Variants in CDK14 observed in about 807,000 individuals in gnomAD.
The protein encoded by CDK14 is cyclin dependent kinase 14.
A neutral mutation model predicts 60.7 loss-of-function variants in CDK14; 34 were observed. That is an observed-to-expected ratio of 0.56 (90% confidence interval 0.43 to 0.75). The LOEUF is 0.75. CDK14 is among the 30% of genes least tolerant of loss of function. The probability of loss-of-function intolerance (pLI) is 0.00; values close to 1 mark genes in which losing one functional copy is unlikely to be tolerated. For missense variants in CDK14, 482 were observed against 564.1 expected (o/e 0.85, Z 1.47); for synonymous variants, 197 against 203.7 (o/e 0.97, Z 0.28).
chr7:90,686,641 CA>C (rs781763223), intron 2 of CDK14, among the ~76,000 whole-genome samples: 37 of 152,166 alleles, frequency 2.4e-4, no homozygotes, highest in Non-Finnish European at 4.6e-4. Flanking sequence ...TGAGTACTGG[CA>C]AATGTTGTCA....
At chr7:90,614,986 A>G (rs1004121673) in intron 2 of CDK14, among the ~76,000 whole-genome samples, 15 of 152,338 alleles carry the variant, frequency 9.8e-5, no homozygotes, top group African/African-American at 3.6e-4. Context: ...TTCTGAAATC[A>G]TCTGCAAGTA....
At chr7:91,036,873 G>A (rs1449347666) in intron 10 of CDK14, among the ~76,000 whole-genome samples, 1 of 152,154 alleles carries the variant, frequency 6.6e-6, no homozygotes, top group East Asian at 1.9e-4. Flanking sequence ...AGGGCCAGTT[G>A]TAATCTCAGA....
At chr7:90,888,264 C>T (rs6942920) in intron 6 of CDK14, among the ~76,000 whole-genome samples, 1 of 151,724 alleles carries the variant, frequency 6.6e-6, no homozygotes, top group Non-Finnish European at 1.5e-5. Flanking sequence ...GCAGGAGAAT[C>T]GCTTGAACCC....
At position 91,118,781 on chromosome 7, in the gene CDK14, G is replaced by C. The variant is rs77034716; in HGVS notation, c.*28+573G>C. On this transcript the variant is annotated intron_variant, in intron 14 of 14. Coordinates refer to ENST00000380050, the MANE Select transcript of CDK14 (RefSeq NM_001287135.2). ...GCCACTTCACCTATTTCTGATTCCT[G>C]TCTGGCTCCTGGTACGGACCTTATC... Among the ~76,000 whole-genome samples, 1,091 of 152,270 alleles carry C rather than the reference G, an allele frequency of 7.2e-3. 15 individuals are homozygous for C. Among genetic ancestry groups the C allele is most frequent in the African/African-American group, 0.024 (1,009 of 41,540 alleles).
chr7:91,097,086 A>G (rs1008907499), intron 12 of CDK14, among the ~76,000 whole-genome samples: 3 of 152,216 alleles, frequency 2.0e-5, no homozygotes, highest in Non-Finnish European at 4.4e-5. Context: ...TTTATTATAT[A>G]AAAACATATT....
chr7:90,605,571 A>G (rs928697524), intron 2 of CDK14, among the ~76,000 whole-genome samples: 16 of 152,228 alleles, frequency 1.1e-4, no homozygotes, highest in African/African-American at 3.6e-4. Flanking sequence ...GGAGCAATCA[A>G]TATGAGAATA....
chr7:90,649,259 T>A (rs1445179716), intron 2 of CDK14, among the ~76,000 whole-genome samples: 1 of 26,870 alleles, frequency 3.7e-5, no homozygotes, highest in Non-Finnish European at 6.9e-5. Flanking sequence ...TTTCTTTCTT[T>A]CTTTCTTTCT....
At chr7:90,628,398 A>C (rs1799921720) in intron 2 of CDK14, among the ~76,000 whole-genome samples, 1 of 152,206 alleles carries the variant, frequency 6.6e-6, no homozygotes, top group Non-Finnish European at 1.5e-5. Context: ...CAAGTGTTAA[A>C]GGCCATTACT....
At chr7:90,971,168 TCTC>T in intron 9 of CDK14, among the ~76,000 whole-genome samples, 1 of 149,840 alleles carries the variant, frequency 6.7e-6, no homozygotes, top group South Asian at 2.1e-4. Context: ...TTTTTTTTTG[TCTC>T]GTTTTAAAGA....
At chr7:90,641,424 G>T (rs1800328671) in intron 2 of CDK14, among the ~76,000 whole-genome samples, 2 of 152,080 alleles carry the variant, frequency 1.3e-5, no homozygotes, top group South Asian at 4.1e-4. Flanking sequence ...TCTATATAAT[G>T]AAATGTTATT....
intron 4 of CDK14, among the ~76,000 whole-genome samples, chr7:90,757,151 ATTCCTGGC>A (rs1322314884): frequency 1.1e-4 from 16 of 150,396 alleles, no homozygotes; most frequent in Non-Finnish European, 1.5e-5. Context: ...AATTTTGGGC[ATTCCTGGC>A]TTGCAGGTGC....
chr7:90,823,416 G>A (rs1214024816), intron 5 of CDK14, among the ~76,000 whole-genome samples: 1 of 152,164 alleles, frequency 6.6e-6, no homozygotes, highest in Non-Finnish European at 1.5e-5. Flanking sequence ...AAAGATTGAG[G>A]TAGAGTTAAC....
In CDK14 at chr7:91,013,198, C is replaced by T. The variant is rs554761189; in HGVS notation, c.1041+28957C>T. Among the ~76,000 whole-genome samples the T allele has an allele frequency of 6.6e-5, 10 of 152,356 alleles. No individual in the cohort carries two copies. The East Asian group carries it at 1.9e-3, about 29-fold the overall frequency. On this transcript the variant is annotated intron_variant, in intron 10 of 14. Transcript: ENST00000380050. ...AAATTTCTTTTTCCTTTGTTCTCTT[C>T]CTTTCTTCTTTGCAGCTTCCTGCCC...
At chr7:90,688,865 T>C (rs1247745905) in intron 2 of CDK14, among the ~76,000 whole-genome samples, 11 of 152,136 alleles carry the variant, frequency 7.2e-5, no homozygotes, top group Non-Finnish European at 8.8e-5. Flanking sequence ...CCAAAAGCCA[T>C]AATGAATTTT....
chr7:90,616,657 AG>A (rs1799656750), intron 2 of CDK14, among the ~76,000 whole-genome samples: 1 of 152,222 alleles, frequency 6.6e-6, no homozygotes, highest in Admixed American at 6.5e-5. Context: ...GCAACAAAAA[AG>A]GTGTTTTAGT....
chr7:91,116,834 TAA>T (rs1799623832), intron 13 of CDK14, among the ~76,000 whole-genome samples: 1 of 151,910 alleles, frequency 6.6e-6, no homozygotes, highest in African/African-American at 2.4e-5. Flanking sequence ...TTTAGAAAAC[TAA>T]AGTCTCCTGT....
At chr7:90,619,118 T>G (rs947370162) in intron 2 of CDK14, among the ~76,000 whole-genome samples, 1 of 152,200 alleles carries the variant, frequency 6.6e-6, no homozygotes, top group African/African-American at 2.4e-5. Context: ...CTTCTCAGAC[T>G]GGTGGCGGTG....
At chr7:90,640,498 T>C (rs1800299869) in intron 2 of CDK14, among the ~76,000 whole-genome samples, 1 of 152,094 alleles carries the variant, frequency 6.6e-6, no homozygotes, top group African/African-American at 2.4e-5. Context: ...TTTATTTCAT[T>C]AGGTTGAAAT....
At position 91,209,779 on chromosome 7, in the gene CDK14, A is replaced by C. The variant is rs935030429; in HGVS notation, c.*2643A>C. 6.6e-6 allele frequency: 1 copy of C among 152,560 alleles called. No individual in the cohort carries two copies. Among genetic ancestry groups the C allele is most frequent in the Non-Finnish European group, 1.5e-5 (1 of 68,040 alleles). 9.5% of individuals were successfully genotyped at this position (152,560 alleles called of 1,614,324 possible). A position where few individuals can be genotyped will look rare whatever the true frequency, so the allele number is the denominator to read the frequency against. ...ATATGAGATACATAGGATGTGAAAA[A>C]AAATGTTTGCAGTACTCAGCAAAAA... On this transcript the variant is annotated 3_prime_UTR_variant, in exon 15 of 15. Transcript: ENST00000380050.
Sources: gnomAD v4.1 joint callset for allele counts (sites outside exome capture counted in the v4.1 genomes callset) on GRCh38, gnomAD v4.1.1 for gene constraint, MANE v1.5 for transcripts, NCBI Gene and HGNC (gene_info 2026-07-23, HGNC 2026-07-21) for gene names.